PACS1: variants seen among roughly 807,000 people sequenced by gnomAD.
PACS1 encodes PACS-1.
Under a neutral mutation model 115.0 loss-of-function variants are expected in PACS1, and 24 were observed. That is an observed-to-expected ratio of 0.21 (90% CI 0.15 to 0.29). The LOEUF (loss-of-function observed/expected upper bound fraction) is 0.29. PACS1 is among the 10% of genes least tolerant of loss of function. The probability of loss-of-function intolerance (pLI) is 1.00; values close to 1 mark genes in which losing one functional copy is unlikely to be tolerated. For synonymous variants in PACS1, 453 were observed against 504.5 expected (o/e 0.90, Z 1.37); for missense variants, 838 against 1,251.2 (o/e 0.67, Z 4.98).
intron 1 of PACS1, among the ~76,000 whole-genome samples, chr11:66,098,703 C>T (rs940069384): frequency 6.6e-6 from 1 of 152,160 alleles, no homozygotes; most frequent in African/African-American, 2.4e-5. Flanking sequence ...GTGCATTGCA[C>T]CTAGCTGTCA....
At chr11:66,147,183 T>C (rs545364703) in intron 1 of PACS1, among the ~76,000 whole-genome samples, 1 of 152,118 alleles carries the variant, frequency 6.6e-6, no homozygotes, top group East Asian at 1.9e-4. Flanking sequence ...CAGTGTAGGG[T>C]AGAAGGCAAT....
intron 1 of PACS1, among the ~76,000 whole-genome samples, chr11:66,112,575 GT>G (rs1858213987): frequency 6.6e-6 from 1 of 152,150 alleles, no homozygotes; most frequent in South Asian, 2.1e-4. Context: ...CAGGAGAGGG[GT>G]TATATCTGTC....
At position 66,235,755 on chromosome 11, in the gene PACS1, A is replaced by T. The variant is rs181504939; in HGVS notation, c.2208-143A>T. On this transcript the variant is annotated intron_variant, in intron 18 of 23. Transcript: ENST00000320580. The surrounding 1 kb of genome is among the most constrained non-coding windows in gnomAD (Gnocchi z 5.6). ...GCACAGCAAGTCCCAGACCTTCCCCATGCCACCCCAGGATGTGATGGGCAG... is the reference window on the plus strand; with the variant it reads ...GCACAGCAAGTCCCAGACCTTCCCCTTGCCACCCCAGGATGTGATGGGCAG... 3 of 781,980 alleles carry T rather than the reference A, an allele frequency of 3.8e-6. No homozygotes were observed. The highest frequency in any genetic ancestry group is 6.9e-6 in the Non-Finnish European group (3 of 432,526). The allele number at this position is 781,980 out of a possible 1,614,324, so 48.4% of individuals were successfully genotyped here. A position where few individuals can be genotyped will look rare whatever the true frequency, so the allele number is the denominator to read the frequency against.
At chr11:66,084,178 G>T (rs1857530101) in intron 1 of PACS1, 1 of 152,264 alleles carries the variant, frequency 6.6e-6, no homozygotes, top group African/African-American at 2.4e-5. Context: ...TTTAAACAAG[G>T]TGGTCTAGAA....
rs1048361978 is a variant in PACS1 at position 66,238,235 on chromosome 11, C to T, written c.2251-569C>T. 5.1e-6 allele frequency: 5 copies of T among 985,194 alleles called. No homozygotes were observed. In the African/African-American group the frequency reaches 5.2e-5, roughly 10 times the overall value. 61.0% of individuals were successfully genotyped at this position (985,194 alleles called of 1,614,324 possible). On this transcript the variant is annotated intron_variant, in intron 19 of 23. Transcript: ENST00000320580. ...GAGAGGAGAAGGCTGGTGTCCACAC[C>T]TTAGCACGTCCACTTGGCTTTAGAC...
intron 4 of PACS1, among the ~76,000 whole-genome samples, chr11:66,212,361 T>G (rs1448725195): frequency 1.3e-5 from 2 of 151,638 alleles, no homozygotes; most frequent in Non-Finnish European, 2.9e-5. Context: ...CTCATTCTCC[T>G]GACCTTGTGA....
In PACS1 at chr11:66,077,610, G is replaced by A. The variant is rs1208665922; in HGVS notation, c.356+6768G>A. Among the ~76,000 whole-genome samples, 5 of 151,900 alleles carry A rather than the reference G, an allele frequency of 3.3e-5. No individual in the cohort carries two copies. The East Asian group carries it at 9.6e-4, about 29-fold the overall frequency. ...TGTTCTAAGTCATTACTTTCCTTGT[G>A]TTGAGGTAGATGGTGAGGCATAGGT... On this transcript the variant is annotated intron_variant, in intron 1 of 23. Coordinates refer to ENST00000320580, the MANE Select transcript of PACS1 (RefSeq NM_018026.4).
chr11:66,229,334 A>C (rs1000234738), intron 11 of PACS1, among the ~76,000 whole-genome samples: 6 of 151,908 alleles, frequency 3.9e-5, no homozygotes, highest in African/African-American at 1.2e-4. Flanking sequence ...GGCTGCAGTG[A>C]GCTGAGACCA....
At chr11:66,176,414 G>GT (rs1859861954) in intron 1 of PACS1, among the ~76,000 whole-genome samples, 1 of 59,460 alleles carries the variant, frequency 1.7e-5, no homozygotes, top group Non-Finnish European at 3.0e-5. Flanking sequence ...ATAAGATCCA[G>GT]ATTTTTTTTT....
intron 1 of PACS1, among the ~76,000 whole-genome samples, chr11:66,172,370 G>C (rs1193026052): frequency 6.6e-6 from 1 of 152,214 alleles, no homozygotes; most frequent in Admixed American, 6.5e-5. Flanking sequence ...GACTTCTGAG[G>C]CTGGGTCATA....
At chr11:66,228,372 C>G (rs1252845667) in intron 11 of PACS1, among the ~76,000 whole-genome samples, 1 of 152,056 alleles carries the variant, frequency 6.6e-6, no homozygotes, top group Non-Finnish European at 1.5e-5. Context: ...CTTATGTTTT[C>G]TATAGTAAAT....
chr11:66,082,827 C>T (rs921462804), intron 1 of PACS1, among the ~76,000 whole-genome samples: 3 of 152,198 alleles, frequency 2.0e-5, no homozygotes, highest in Non-Finnish European at 4.4e-5. Flanking sequence ...TGCACTCCAG[C>T]CTGGGCAGCA....
chr11:66,211,451 G>T (rs1459124461), intron 4 of PACS1, among the ~76,000 whole-genome samples, 192 bp downstream of exon 4: 1 of 152,088 alleles, frequency 6.6e-6, no homozygotes, highest in African/African-American at 2.4e-5. Context: ...TCTCCTTCAT[G>T]AAAAGTTTTA....
chr11:66,216,723 G>T lies in PACS1; in HGVS notation c.926G>T (p.Arg309Leu), dbSNP rs540080984. 1.9e-6 allele frequency: 3 copies of T among 1,613,860 alleles called. No homozygotes were observed. Among genetic ancestry groups the T allele is most frequent in the Non-Finnish European group, 2.5e-6 (3 of 1,179,966 alleles). The stretch of plus-strand genomic sequence containing the variant: ...TTGTTCTACGAAGACGAAGATCTCC[G>T]GAAAGTGAAGAAGACCCGGAGGAAA... ...QDLFYEDEDL[R>L]KVKKTRRKLT... Residue 309 changes from arginine to leucine, a missense_variant, in exon 7 of 24, where the codon CGG becomes CTG. Arg to Leu is a moderately radical substitution (Grantham distance 102). This residue lies in a region of PACS1 where 223 missense variants were observed against 354.0 expected (regional missense o/e 0.63). Coordinates refer to ENST00000320580, the MANE Select transcript of PACS1 (RefSeq NM_018026.4).
chr11:66,138,708 A>C (rs1378940381), intron 1 of PACS1, among the ~76,000 whole-genome samples: 1 of 151,236 alleles, frequency 6.6e-6, no homozygotes, highest in African/African-American at 2.4e-5. Flanking sequence ...TTCGAGACAA[A>C]GTCTTGCTCT....
chr11:66,156,419 GTTT>G (rs1328251652), intron 1 of PACS1, among the ~76,000 whole-genome samples: 2 of 150,830 alleles, frequency 1.3e-5, no homozygotes, highest in Non-Finnish European at 3.0e-5. Context: ...TAATTTTTGT[GTTT>G]TTAGTAGAGA....
intron 17 of PACS1, among the ~76,000 whole-genome samples, chr11:66,234,836 C>T (rs2134742314): frequency 6.6e-6 from 1 of 152,238 alleles, no homozygotes; most frequent in African/African-American, 2.4e-5. Context: ...CATGCCACTG[C>T]ACTCCAGCTG....
At chr11:66,166,407 A>G (rs1251188279) in intron 1 of PACS1, among the ~76,000 whole-genome samples, 1 of 152,164 alleles carries the variant, frequency 6.6e-6, no homozygotes, top group Non-Finnish European at 1.5e-5. Context: ...TTGGCCTCCC[A>G]AGGTGCTGGG....
At chr11:66,120,782 A>T (rs1044569527) in intron 1 of PACS1, among the ~76,000 whole-genome samples, 1 of 152,214 alleles carries the variant, frequency 6.6e-6, no homozygotes, top group East Asian at 1.9e-4. Context: ...GCCACTCTAA[A>T]GTTTCATGGC....
Sources: gnomAD v4.1 joint callset for allele counts (sites outside exome capture counted in the v4.1 genomes callset) on GRCh38, gnomAD v4.1.1 for gene constraint, gnomAD v4.1.1 regional missense constraint, Gnocchi (gnomAD v3.1) non-coding constraint, MANE v1.5 for transcripts, NCBI Gene and HGNC (gene_info 2026-07-23, HGNC 2026-07-21) for gene names.